The following SV2C variants were observed in gnomAD, a reference collection of about 807,000 sequenced individuals.
SV2C encodes the protein solute carrier family 22 member B3.
SV2C carries 49 observed loss-of-function variants against 79.7 expected under a neutral mutation model. The ratio of observed to expected loss-of-function variants is 0.61; its 90% CI spans 0.49 to 0.78. The LOEUF is 0.78. SV2C is among the 30% of genes least tolerant of loss of function. The pLI, the probability that SV2C is intolerant of heterozygous loss-of-function variation, is 0.00. For missense variants in SV2C, 833 were observed against 912.9 expected (o/e 0.91, Z 1.13); for synonymous variants, 334 against 333.2 (o/e 1.00, Z -0.03).
chr5:76,293,083 C>G (rs977485712), intron 8 of SV2C, among the ~76,000 whole-genome samples: 3 of 152,094 alleles, frequency 2.0e-5, no homozygotes, highest in African/African-American at 7.2e-5. Context: ...ACCTAGCAGC[C>G]CATTCTGCTG....
chr5:75,926,169 T>C, the SV2C span, among the ~76,000 whole-genome samples: 2 of 152,150 alleles, frequency 1.3e-5, no homozygotes, highest in African/African-American at 4.8e-5. Flanking sequence ...AAATTCTCAC[T>C]GAGCTTACCC....
intron 10 of SV2C, 148 bp from the exon 11 acceptor site, chr5:76,300,581 A>G: frequency 1.4e-6 from 1 of 708,240 alleles, no homozygotes; most frequent in Admixed American, 2.8e-5. Context: ...CTTTGGCCAG[A>G]AGACCCAAAA....
At chr5:76,280,294 A>G (rs1747145496) in intron 4 of SV2C, among the ~76,000 whole-genome samples, 1 of 152,094 alleles carries the variant, frequency 6.6e-6, no homozygotes, top group African/African-American at 2.4e-5. Context: ...GCACACACAC[A>G]CTAAGCAATG....
Position 76,145,672 on chromosome 5 carries a change from A to C in SV2C, c.580+13342A>C, listed in dbSNP as rs191010901. ...AGACAGAATCGACAGGGAGAGTCCCAGTTTTAAGCTCCCAAGCAAGATCTT... is the reference window on the plus strand; with the variant it reads ...AGACAGAATCGACAGGGAGAGTCCCCGTTTTAAGCTCCCAAGCAAGATCTT... On this transcript the variant is annotated intron_variant, in intron 2 of 12. Transcript: ENST00000502798. Among the ~76,000 whole-genome samples the C allele has an allele frequency of 1.3e-3, 203 of 152,300 alleles. 2 individuals are homozygous for C. The highest frequency in any genetic ancestry group is 4.3e-3 in the African/African-American group (180 of 41,572).
the SV2C span, among the ~76,000 whole-genome samples, chr5:75,849,734 G>T: frequency 1.3e-5 from 2 of 152,144 alleles, no homozygotes; most frequent in Non-Finnish European, 2.9e-5. Flanking sequence ...AGTGTTAAAA[G>T]ATTTGAATTT....
chr5:76,265,350 A>C (rs1395696121), intron 4 of SV2C, among the ~76,000 whole-genome samples: 1 of 152,170 alleles, frequency 6.6e-6, no homozygotes, highest in Non-Finnish European at 1.5e-5. Context: ...CTGTGCTGGC[A>C]GTGAGAATTT....
chr5:76,330,512 G>A lies in SV2C; in HGVS notation c.*4965G>A, dbSNP rs1441176354. 2 of 151,744 alleles carry A rather than the reference G, an allele frequency of 1.3e-5. No homozygotes were observed. The highest frequency in any genetic ancestry group is 2.9e-5 in the Non-Finnish European group (2 of 67,984). The allele number at this position is 151,744 out of a possible 1,614,324, so 9.4% of individuals were successfully genotyped here. Reference sequence around the variant, plus strand: ...AATGAGGGCAAGGAAAACAGAATGAGAGAAGACACTCTCACACTGACCCCC... The same window carrying A: ...AATGAGGGCAAGGAAAACAGAATGAAAGAAGACACTCTCACACTGACCCCC... On this transcript the variant is annotated 3_prime_UTR_variant, in exon 13 of 13. Transcript: ENST00000502798.
chr5:76,104,404 T>C (rs1175790543), intron 1 of SV2C, among the ~76,000 whole-genome samples: 3 of 152,172 alleles, frequency 2.0e-5, no homozygotes, highest in African/African-American at 4.8e-5. Flanking sequence ...GACAAGGTCT[T>C]GCTATGTTGG....
the SV2C span, among the ~76,000 whole-genome samples, chr5:76,018,936 A>G: frequency 1.3e-5 from 2 of 152,212 alleles, no homozygotes; most frequent in Non-Finnish European, 2.9e-5. Flanking sequence ...GTAACCTGAA[A>G]TGGGAAAATG....
At chr5:76,002,875 T>A in the SV2C span, among the ~76,000 whole-genome samples, 17 of 151,896 alleles carry the variant, frequency 1.1e-4, no homozygotes, top group East Asian at 5.8e-4. Context: ...GTGTTTTTTT[T>A]AAAATATGTA....
At position 76,158,399 on chromosome 5, in the gene SV2C, A is replaced by G. The variant is rs185251138; in HGVS notation, c.580+26069A>G. ...CACCCACAAGAAAGCTGGAGAGGCT[A>G]TGTTAATATCAGACAAAATAGACGT... On this transcript the variant is annotated intron_variant, in intron 2 of 12. Coordinates refer to ENST00000502798, the MANE Select transcript of SV2C (RefSeq NM_014979.4). Among the ~76,000 whole-genome samples, 354 of 151,918 alleles carry G rather than the reference A, an allele frequency of 2.3e-3. 1 individual carries two copies. In the South Asian group the frequency reaches 0.026, roughly 11 times the overall value.
At chr5:75,864,555 G>A in the SV2C span, among the ~76,000 whole-genome samples, 1 of 152,104 alleles carries the variant, frequency 6.6e-6, no homozygotes, top group Non-Finnish European at 1.5e-5. Flanking sequence ...CAAGGACAAG[G>A]ACATCTGGGT....
At chr5:76,128,850 C>T (rs1405205082) in intron 1 of SV2C, among the ~76,000 whole-genome samples, 1 of 152,154 alleles carries the variant, frequency 6.6e-6, no homozygotes, top group African/African-American at 2.4e-5. Context: ...GCTTGCGGAC[C>T]TTCTTATAGG....
intron 4 of SV2C, among the ~76,000 whole-genome samples, chr5:76,226,976 G>C (rs1157992763): frequency 6.6e-6 from 1 of 152,110 alleles, no homozygotes; most frequent in Non-Finnish European, 1.5e-5. Flanking sequence ...ACCAGAGAGA[G>C]AAAGAGCTTG....
At chr5:75,911,478 C>T in the SV2C span, 2 of 855,722 alleles carry the variant, frequency 2.3e-6, no homozygotes, top group Non-Finnish European at 3.7e-6. Flanking sequence ...ACATACCCTC[C>T]AGTCCTCCAG....
chr5:75,971,979 T>C, the SV2C span, among the ~76,000 whole-genome samples: 7 of 152,088 alleles, frequency 4.6e-5, no homozygotes, highest in East Asian at 1.2e-3. Context: ...AAAACAGAGA[T>C]ACAGACTAAT....
chr5:76,148,826 A>T (rs59029235), intron 2 of SV2C, among the ~76,000 whole-genome samples: 1,722 of 152,214 alleles, frequency 0.011, 29 homozygotes, highest in African/African-American at 0.039. Context: ...TGTTGTTCTG[A>T]CTATTCCTGG....
chr5:76,174,007 T>C, intron 2 of SV2C: 1 of 1,567,332 alleles, frequency 6.4e-7, no homozygotes, highest in Non-Finnish European at 8.8e-7. Context: ...GCTCCGTTCC[T>C]GCAGTATCCA....
At chr5:76,036,096 G>A in the SV2C span, among the ~76,000 whole-genome samples, 1 of 151,732 alleles carries the variant, frequency 6.6e-6, no homozygotes, top group Non-Finnish European at 1.5e-5. Context: ...CCATTTGCTT[G>A]GTAGATCTTC....
Sources: allele counts gnomAD v4.1 joint callset (sites outside exome capture counted in the v4.1 genomes callset), GRCh38; gene constraint gnomAD v4.1.1; transcripts MANE v1.5; gene names NCBI Gene and HGNC (gene_info 2026-07-23, HGNC 2026-07-21).